The following CADM2 variants were observed in gnomAD, a reference collection of about 807,000 sequenced individuals.
CADM2 encodes the protein cell adhesion molecule 2.
CADM2 carries 12 observed loss-of-function variants against 49.8 expected under a neutral mutation model. The observed-to-expected ratio is 0.24, with a 90% CI of 0.15 to 0.39. The LOEUF (loss-of-function observed/expected upper bound fraction) is 0.39. CADM2 is among the 10% of genes least tolerant of loss of function. CADM2 has a pLI of 1.00. For synonymous variants in CADM2, 214 were observed against 175.4 expected (o/e 1.22, Z -1.74); for missense variants, 378 against 492.3 (o/e 0.77, Z 2.20).
chr3:85,925,274 T>C (rs1329949196), intron 6 of CADM2, among the ~76,000 whole-genome samples: 2 of 152,208 alleles, frequency 1.3e-5, no homozygotes, highest in African/African-American at 2.4e-5. Context: ...GATGGGTTGC[T>C]ATTTTTGCAG....
chr3:85,654,844 A>G lies in CADM2; in HGVS notation c.62-71678A>G, dbSNP rs139423561. ...ATGTTACAATTCTTGTATTCTCTAC[A>G]TCATTGACCACAATACTTTAAACTT... On this transcript the variant is annotated intron_variant, in intron 1 of 9. Coordinates refer to ENST00000383699, the MANE Select transcript of CADM2 (RefSeq NM_001167675.2). 2.6e-5 allele frequency among the ~76,000 whole-genome samples: 4 copies of G among 152,324 alleles called. No homozygotes were observed. The East Asian group carries it at 7.7e-4, about 29-fold the overall frequency.
intron 3 of CADM2, among the ~76,000 whole-genome samples, chr3:85,845,490 G>T (rs1483948083): frequency 1.3e-5 from 2 of 152,144 alleles, no homozygotes; most frequent in African/African-American, 2.4e-5. Flanking sequence ...TTCCTGTAAA[G>T]TTATGCTTTA....
intron 1 of CADM2, among the ~76,000 whole-genome samples, chr3:85,391,593 G>A (rs371651761): frequency 6.6e-6 from 1 of 152,060 alleles, no homozygotes; most frequent in Non-Finnish European, 1.5e-5. Context: ...CACAACAGAA[G>A]AATTATATTG....
At chr3:85,413,164 T>TAAAAAAAAAAAAAAAA (rs1164449868) in intron 1 of CADM2, among the ~76,000 whole-genome samples, 1 of 76,830 alleles carries the variant, frequency 1.3e-5, no homozygotes, top group African/African-American at 5.4e-5. Context: ...AAAAAAAAAA[T>TAAAAAAAAAAAAAAAA]AATAATAATA....
chr3:85,721,636 T>A (rs2067506808), intron 1 of CADM2, among the ~76,000 whole-genome samples: 2 of 152,136 alleles, frequency 1.3e-5, no homozygotes, highest in South Asian at 4.1e-4. Context: ...CTGGACCAGG[T>A]GCACTGCAAG....
chr3:85,783,897 C>CT (rs1474909430), intron 2 of CADM2, among the ~76,000 whole-genome samples: 1 of 151,946 alleles, frequency 6.6e-6, no homozygotes, highest in Non-Finnish European at 1.5e-5. Context: ...ATATGCACCA[C>CT]TTTTTTTTAA....
chr3:85,847,843 C>T (rs916761380), intron 3 of CADM2, among the ~76,000 whole-genome samples: 5 of 152,156 alleles, frequency 3.3e-5, no homozygotes, highest in Admixed American at 3.3e-4. Flanking sequence ...TTATTTGCTA[C>T]TCAGAGATAT....
chr3:85,500,229 T>G (rs1576664779), intron 1 of CADM2, among the ~76,000 whole-genome samples: 1 of 152,268 alleles, frequency 6.6e-6, no homozygotes, highest in East Asian at 1.9e-4. Context: ...TTCTTTAAAC[T>G]TTTTGGTTTT....
chr3:85,382,616 T>C (rs1559811428), intron 1 of CADM2, among the ~76,000 whole-genome samples: 4 of 152,186 alleles, frequency 2.6e-5, no homozygotes, highest in Admixed American at 2.6e-4. Context: ...TTTGATTAGA[T>C]ATAATATTTT....
chr3:85,355,137 C>T (rs1310468574), intron 1 of CADM2, among the ~76,000 whole-genome samples: 3 of 151,956 alleles, frequency 2.0e-5, no homozygotes, highest in Admixed American at 1.3e-4. Flanking sequence ...GGACGGTGGT[C>T]AGTTTTTAGG....
intron 1 of CADM2, among the ~76,000 whole-genome samples, chr3:85,165,109 T>G (rs2040434703): frequency 6.6e-6 from 1 of 151,810 alleles, no homozygotes; most frequent in South Asian, 2.1e-4. Context: ...TTTTTGGTAT[T>G]AAATATAATT....
intron 1 of CADM2, among the ~76,000 whole-genome samples, chr3:85,604,836 C>A (rs2107417616): frequency 6.6e-6 from 1 of 152,062 alleles, no homozygotes; most frequent in Middle Eastern, 3.4e-3. Context: ...CATCCCCCAG[C>A]AGTAATCAAA....
intron 2 of CADM2, among the ~76,000 whole-genome samples, chr3:85,757,488 A>T (rs2069176397): frequency 6.6e-6 from 1 of 152,142 alleles, no homozygotes; most frequent in South Asian, 2.1e-4. Context: ...TTAGAGTGTG[A>T]TAAATGTTAG....
chr3:85,982,498 T>C (rs1727598928), intron 8 of CADM2, among the ~76,000 whole-genome samples: 1 of 151,558 alleles, frequency 6.6e-6, no homozygotes, highest in Non-Finnish European at 1.5e-5. Flanking sequence ...AAGAAAAAAA[T>C]AGTAGCATTG....
At chr3:85,173,540 A>T (rs1037610435) in intron 1 of CADM2, among the ~76,000 whole-genome samples, 9 of 152,306 alleles carry the variant, frequency 5.9e-5, no homozygotes, top group African/African-American at 2.2e-4. Context: ...TTATGTTCTT[A>T]TGAGTGAGTG....
chr3:85,154,415 G>A (rs1476134504), intron 1 of CADM2, among the ~76,000 whole-genome samples: 1 of 152,098 alleles, frequency 6.6e-6, no homozygotes, highest in Admixed American at 6.6e-5. Context: ...AACGAGCAAA[G>A]CCTCCAAGAA....
At chr3:85,004,810 T>C (rs554137163) in intron 1 of CADM2, among the ~76,000 whole-genome samples, 4 of 152,300 alleles carry the variant, frequency 2.6e-5, no homozygotes, top group South Asian at 4.1e-4. Context: ...GGGATAGTGT[T>C]CATGGATTTT....
At chr3:85,165,992 T>C (rs968170511) in intron 1 of CADM2, among the ~76,000 whole-genome samples, 15 of 151,872 alleles carry the variant, frequency 9.9e-5, no homozygotes, top group African/African-American at 3.4e-4. Context: ...AGCCACTTTA[T>C]AATTTTTTTT....
chr3:84,993,861 A>G (rs577953628), intron 1 of CADM2, among the ~76,000 whole-genome samples: 3 of 152,300 alleles, frequency 2.0e-5, no homozygotes, highest in East Asian at 1.9e-4. Context: ...GAATTGAAAC[A>G]CAACAGTAAC....
Sources: allele counts gnomAD v4.1 joint callset (sites outside exome capture counted in the v4.1 genomes callset), GRCh38; gene constraint gnomAD v4.1.1; transcripts MANE v1.5; gene names NCBI Gene and HGNC (gene_info 2026-07-23, HGNC 2026-07-21).